The following CYSLTR1 variants were observed in gnomAD, a reference collection of about 807,000 sequenced individuals.
CYSLTR1 encodes cysteinyl leukotriene receptor 1, also known as G-protein coupled receptor HG55.
A neutral mutation model predicts 2.1 loss-of-function variants in CYSLTR1; 1 was observed. That is an observed-to-expected ratio of 0.48 (90% CI 0.17 to 2.28). CYSLTR1 has a LOEUF of 2.28. Ranked by LOEUF, CYSLTR1 falls within the 30% of genes most tolerant of loss-of-function variation. The pLI, the probability that CYSLTR1 is intolerant of heterozygous loss-of-function variation, is 0.26. For missense variants in CYSLTR1, 299 were observed against 250.1 expected (o/e 1.20, Z -1.32); for synonymous variants, 110 against 89.6 (o/e 1.23, Z -1.28).
intron 1 of CYSLTR1, among the ~76,000 whole-genome samples, chrX:78,302,911 G>C (rs924421631): frequency 1.8e-5 from 2 of 111,341 alleles, no homozygotes; most frequent in African/African-American, 6.5e-5. Context: ...CATTCTCTTA[G>C]CCACCCCAGC....
chrX:78,299,698 A>G (rs954217565), intron 1 of CYSLTR1, among the ~76,000 whole-genome samples: 1 of 111,181 alleles, frequency 9.0e-6, no homozygotes, highest in Non-Finnish European at 1.9e-5. Context: ...TACTTTTCTC[A>G]TATTGTTTTT....
At chrX:78,294,779 T>C (rs1261688571) in intron 1 of CYSLTR1, among the ~76,000 whole-genome samples, 1 of 112,824 alleles carries the variant, frequency 8.9e-6, no homozygotes, top group Non-Finnish European at 1.9e-5. Flanking sequence ...GCGTGTGACC[T>C]GCCGAGCTAG....
At chrX:78,284,975 C>T (rs12688743) in intron 1 of CYSLTR1, among the ~76,000 whole-genome samples, 3 of 111,079 alleles carry the variant, frequency 2.7e-5, no homozygotes, top group Non-Finnish European at 5.7e-5. Context: ...ATGTAACCTA[C>T]TACAGTCTGG....
At chrX:78,288,219 G>C (rs1481265013) in intron 1 of CYSLTR1, among the ~76,000 whole-genome samples, 1 of 109,622 alleles carries the variant, frequency 9.1e-6, no homozygotes, top group Non-Finnish European at 1.9e-5. Context: ...AAAAAAATAA[G>C]GTGCCAACAC....
In CYSLTR1 at chrX:78,272,366, C is replaced by A. The variant is rs1921301198; in HGVS notation, c.*367G>T. On this transcript the variant is annotated 3_prime_UTR_variant, in exon 3 of 3. Coordinates refer to ENST00000373304, the MANE Select transcript of CYSLTR1 (RefSeq NM_006639.4). Reference sequence around the variant, plus strand: ...TTATATCTAGTTTTATATTTTATAACTTTTAGCTTGCATGTATTTTTATTG... The same window carrying A: ...TTATATCTAGTTTTATATTTTATAAATTTTAGCTTGCATGTATTTTTATTG... 8.3e-6 allele frequency: 1 copy of A among 120,801 alleles called. No homozygotes were observed. Among genetic ancestry groups the A allele is most frequent in the Non-Finnish European group, 1.7e-5 (1 of 58,724 alleles). The allele number at this position is 120,801 out of a possible 1,213,427, so 10.0% of individuals were successfully genotyped here.
rs145713397 is a variant in CYSLTR1, at chrX:78,272,774, C to T, written c.973G>A (p.Ala325Thr). Reference protein sequence around the residue: ...SSVTYVPRKKASLPEKGEEIC... With the variant: ...SSVTYVPRKKTSLPEKGEEIC... ...TCTTCTCCTTTTTCTGGCAAAGAGG[C>T]CTTCTTTCTGGGTACATAAGTCACG... The change falls in exon 3 of 3, where the codon GCC becomes ACC. Residue 325 changes from alanine to threonine, a missense_variant. By Grantham distance (58) the Ala-to-Thr change is moderately conservative (BLOSUM62 0). Transcript: ENST00000373304. 400 of 1,202,468 alleles carry T rather than the reference C, an allele frequency of 3.3e-4. 1 individual carries two copies. The African/African-American group carries it at 5.6e-3, about 17-fold the overall frequency.
intron 1 of CYSLTR1, among the ~76,000 whole-genome samples, chrX:78,286,364 A>G (rs1305662243): frequency 1.8e-5 from 2 of 111,993 alleles, no homozygotes; most frequent in Non-Finnish European, 3.8e-5. Context: ...TGGACATATG[A>G]GTTGCTTTCA....
At chrX:78,294,512 A>T (rs766045355) in intron 1 of CYSLTR1, among the ~76,000 whole-genome samples, 37 of 112,331 alleles carry the variant, frequency 3.3e-4, no homozygotes, top group Non-Finnish European at 5.1e-4. Flanking sequence ...CTTTCTTTGG[A>T]GCTGTCAGAC....
chrX:78,326,858 A>G (rs1923878795), intron 1 of CYSLTR1, among the ~76,000 whole-genome samples: 1 of 112,015 alleles, frequency 8.9e-6, no homozygotes, highest in African/African-American at 3.2e-5. Flanking sequence ...TTCAGGTGGG[A>G]TAACAAATGT....
At chrX:78,281,421 C>A (rs1305732306) in intron 2 of CYSLTR1, among the ~76,000 whole-genome samples, 17 of 110,387 alleles carry the variant, frequency 1.5e-4, no homozygotes, top group Admixed American at 1.5e-3. Flanking sequence ...CAGGCGTGTG[C>A]CATCACGCCC....
intron 1 of CYSLTR1, chrX:78,320,227 G>T (rs1350701268): frequency 8.9e-6 from 1 of 111,892 alleles, no homozygotes; most frequent in South Asian, 3.7e-4. Context: ...TTCTTCTAGG[G>T]TTTTTATGGT....
intron 1 of CYSLTR1, among the ~76,000 whole-genome samples, chrX:78,308,665 A>C (rs1220995776): frequency 8.9e-6 from 1 of 112,232 alleles, no homozygotes; most frequent in East Asian, 2.8e-4. Context: ...CTTTCTGCCT[A>C]GTGTTATTAT....
chrX:78,311,476 A>G (rs1482856094), intron 1 of CYSLTR1, among the ~76,000 whole-genome samples: 2 of 111,845 alleles, frequency 1.8e-5, no homozygotes, highest in African/African-American at 6.5e-5. Flanking sequence ...GCTTCCAAAG[A>G]AGTCCTAGAC....
intron 1 of CYSLTR1, among the ~76,000 whole-genome samples, chrX:78,300,324 CATG>C (rs1410000882): frequency 1.8e-5 from 2 of 111,074 alleles, no homozygotes; most frequent in African/African-American, 6.6e-5. Flanking sequence ...TTGGCAAGGT[CATG>C]ATCTCCTGGA....
intron 1 of CYSLTR1, among the ~76,000 whole-genome samples, chrX:78,294,603 C>A (rs763026293): frequency 1.8e-5 from 2 of 112,894 alleles, no homozygotes; most frequent in Non-Finnish European, 3.7e-5. Context: ...TCTATAGAGG[C>A]AGTAGGCCTT....
At chrX:78,306,595 C>T (rs1176946274) in intron 1 of CYSLTR1, among the ~76,000 whole-genome samples, 1 of 111,778 alleles carries the variant, frequency 8.9e-6, no homozygotes, top group Non-Finnish European at 1.9e-5. Flanking sequence ...GCTTAATTTT[C>T]TAATGAAGCA....
chrX:78,286,378 T>A (rs1293647267), intron 1 of CYSLTR1, among the ~76,000 whole-genome samples: 6 of 112,249 alleles, frequency 5.3e-5, no homozygotes, highest in Non-Finnish European at 1.1e-4. Flanking sequence ...GCTTTCAAGT[T>A]TTGACTATTA....
intron 2 of CYSLTR1, among the ~76,000 whole-genome samples, chrX:78,276,773 T>C (rs1054255893): frequency 4.5e-5 from 5 of 110,688 alleles, no homozygotes; most frequent in South Asian, 3.9e-4. Context: ...TGAAGGAGAT[T>C]GGCACACTAC....
At chrX:78,291,307 C>A (rs192348851) in intron 1 of CYSLTR1, among the ~76,000 whole-genome samples, 1 of 111,436 alleles carries the variant, frequency 9.0e-6, no homozygotes, top group Non-Finnish European at 1.9e-5. Flanking sequence ...GGGATGAAGC[C>A]GATTTGATCG....
Sources: allele counts gnomAD v4.1 joint callset (sites outside exome capture counted in the v4.1 genomes callset), GRCh38; gene constraint gnomAD v4.1.1; transcripts MANE v1.5; gene names NCBI Gene and HGNC (gene_info 2026-07-23, HGNC 2026-07-21).